Variants in GPR137 observed in about 807,000 individuals in gnomAD.
GPR137 encodes G protein-coupled receptor 137.
GPR137 carries 20 observed loss-of-function variants against 38.9 expected under a neutral mutation model. The observed-to-expected ratio is 0.51, with a 90% CI of 0.36 to 0.75. The LOEUF (loss-of-function observed/expected upper bound fraction) is 0.75, where lower values mean the gene tolerates loss of function less well. GPR137 is among the 30% of genes least tolerant of loss of function. The pLI is 0.00. For synonymous variants in GPR137, 226 were observed against 235.8 expected, an observed-to-expected ratio of 0.96 and a Z score of 0.38; for missense variants, 456 against 526.4, an observed-to-expected ratio of 0.87 and a Z score of 1.31.
upstream of GPR137, among the ~76,000 whole-genome samples, chr11:64,282,388 G>A (rs2033537026): frequency 6.6e-6 from 1 of 152,080 alleles, no homozygotes; most frequent in South Asian, 2.1e-4. Flanking sequence ...GATTGCTTGG[G>A]CCCAGGAATT....
At chr11:64,284,429 C>T (rs1234549638), upstream of GPR137, 3 of 1,607,080 alleles carry the variant, frequency 1.9e-6, no homozygotes, top group Non-Finnish European at 8.5e-7. Flanking sequence ...CAACGGTGGC[C>T]CTGGAAGGCA....
At position 64,289,349 on chromosome 11, in the gene GPR137, T is replaced by G; in HGVS notation, c.*153T>G. 6.3e-7 allele frequency: 1 copy of G among 1,595,282 alleles called. No individual in the cohort carries two copies. Among genetic ancestry groups the G allele is most frequent in the Admixed American group, 1.7e-5 (1 of 58,928 alleles). ...CCTTGCTGCTCCTGTCATAGTGAGC[T>G]TGTGCCGTCCCCCTAGGATGGGGGG... is the stretch of plus-strand genomic sequence containing the variant. On this transcript the variant is annotated 3_prime_UTR_variant, in exon 7 of 7. Transcript: ENST00000438980.
rs1016363315 is a variant in GPR137 at position 64,276,821 on chromosome 11, C to G, written c.-16+400C>G. The G allele has an allele frequency of 5.9e-6, 4 of 679,518 alleles. No individual in the cohort carries two copies. In the Admixed American group the frequency reaches 8.5e-5, roughly 14 times the overall value. The allele number at this position is 679,518 out of a possible 1,614,324, so 42.1% of individuals were successfully genotyped here. On this transcript the variant is annotated intron_variant, in intron 2 of 2. Coordinates refer to the GPR137 transcript ENST00000538244. ...CCCAGGCCTGCCCACTCTTGCCATC[C>G]GCCTAGAGCCTGGCCCGGAGCTGGG...
upstream of GPR137, chr11:64,285,742 C>A: frequency 4.1e-6 from 4 of 985,378 alleles, no homozygotes; most frequent in Non-Finnish European, 3.6e-6. Context: ...CGCCAATTCT[C>A]GTACGGTTTC....
chr11:64,282,924 T>G (rs1354039882), upstream of GPR137, among the ~76,000 whole-genome samples: 2 of 150,956 alleles, frequency 1.3e-5, no homozygotes, highest in African/African-American at 2.4e-5. Flanking sequence ...ATAAATTAAC[T>G]GGGTGTGGTC....
At chr11:64,270,808 T>TA, upstream of GPR137, 1 of 392,922 alleles carries the variant, frequency 2.5e-6, no homozygotes, top group Non-Finnish European at 5.1e-6. Flanking sequence ...GGAGCACAAA[T>TA]ACCAGCATGC....
At position 64,286,818 on chromosome 11, in the gene GPR137, C is replaced by T. The variant is rs1565358917; in HGVS notation, c.294C>T (p.Leu98=). ...NRLGPLPFWL[L]YCCPVCLQFF... is the part of the protein sequence containing the mutation. ...TGGGGCCCTTGCCCTTCTGGCTTCT[C>T]TACTGCTGCCCCGTCTGCCTGCAGT... The change falls in exon 1 of 7, where the codon CTC becomes CTT. Residue 98 remains leucine, a synonymous_variant. Transcript: ENST00000438980. The T allele has an allele frequency of 1.9e-6, 3 of 1,599,916 alleles. No individual in the cohort carries two copies. The highest frequency in any genetic ancestry group is 2.6e-6 in the Non-Finnish European group (3 of 1,171,012).
At chr11:64,278,686 G>A (rs2033228625) in intron 2 of GPR137, among the ~76,000 whole-genome samples, 1 of 152,132 alleles carries the variant, frequency 6.6e-6, no homozygotes, top group African/African-American at 2.4e-5. Flanking sequence ...GCTTCTTTCT[G>A]CCTCTCCACT....
chr11:64,277,109 C>G, intron 2 of GPR137: 1 of 657,556 alleles, frequency 1.5e-6, no homozygotes, highest in Non-Finnish European at 2.8e-6. Context: ...GAATTGCACA[C>G]TTAATTAAAA....
chr11:64,285,052 G>T (rs2033798205), upstream of GPR137: 3 of 1,126,224 alleles, frequency 2.7e-6, no homozygotes, highest in Admixed American at 8.5e-5. Flanking sequence ...CTTTGTGAAG[G>T]GAGTGATTAC....
intron 2 of GPR137, chr11:64,276,971 G>A: frequency 1.4e-6 from 1 of 740,624 alleles, no homozygotes. Flanking sequence ...CCCTGCTGAT[G>A]CTTCCGCGAG....
intron 2 of GPR137, chr11:64,276,861 G>A (rs1327691331): frequency 1.3e-6 from 1 of 742,750 alleles, no homozygotes; most frequent in Non-Finnish European, 2.5e-6. Flanking sequence ...GAAGTGGAGG[G>A]TAGTGGCTGT....
At chr11:64,282,784 CAGG>C (rs988253722), upstream of GPR137, among the ~76,000 whole-genome samples, 2 of 149,634 alleles carry the variant, frequency 1.3e-5, no homozygotes, top group African/African-American at 4.9e-5. Flanking sequence ...GAGGCTGAGG[CAGG>C]AGAACTGCTT....
chr11:64,287,383 C>A (rs1420292166), intron 2 of GPR137: 1 of 895,484 alleles, frequency 1.1e-6, no homozygotes, highest in Non-Finnish European at 1.3e-6. Flanking sequence ...CTTTCCCAGC[C>A]ATCTTTTATT....
At chr11:64,277,598 T>A (rs2033161417) in intron 2 of GPR137, among the ~76,000 whole-genome samples, 1 of 152,172 alleles carries the variant, frequency 6.6e-6, no homozygotes, top group Non-Finnish European at 1.5e-5. Flanking sequence ...CATGCCCGGC[T>A]AATTTTTTAA....
chr11:64,287,005 G>A lies in GPR137; in HGVS notation c.398G>A (p.Ser133Asn). ...KAKVKRRPEM[S>N]RGLLAVRGAF... ...AAGGTGAAGCGTCGGCCGGAGATGA[G>A]CCGAGGCTTGTAAGTACTCGGGACA... The change falls in exon 2 of 7, where the codon AGC (serine) becomes AAC (asparagine). Residue 133 changes from serine (S) to asparagine (N), a missense_variant. Ser to Asn is a conservative substitution (Grantham distance 46, BLOSUM62 1). Coordinates refer to ENST00000438980, the MANE Select transcript of GPR137 (RefSeq NM_001170880.2). The A allele has an allele frequency of 2.5e-6, 4 of 1,613,720 alleles. No homozygotes were observed. The highest frequency in any genetic ancestry group is 3.4e-6 in the Non-Finnish European group (4 of 1,179,942).
chr11:64,279,484 C>T (rs903660151), upstream of GPR137, among the ~76,000 whole-genome samples: 4 of 152,116 alleles, frequency 2.6e-5, no homozygotes, highest in South Asian at 2.1e-4. Context: ...CCACCTCTAG[C>T]GGCCAGACGC....
At chr11:64,285,520 G>A, upstream of GPR137, 6 of 985,200 alleles carry the variant, frequency 6.1e-6, no homozygotes, top group Non-Finnish European at 7.2e-6. Context: ...CCGAGGGACG[G>A]GAATCCGTTG....
chr11:64,286,320 G>C lies in GPR137; in HGVS notation c.-205G>C. The C allele has an allele frequency of 2.1e-6, 3 of 1,406,650 alleles. No individual in the cohort carries two copies. The South Asian group carries it at 5.1e-5, about 24-fold the overall frequency. 87.1% of individuals were successfully genotyped at this position (1,406,650 alleles called of 1,614,324 possible). A position where few individuals can be genotyped will look rare whatever the true frequency, so the allele number is the denominator to read the frequency against. ...GCCCTTCCATGCCCCTGAGTGAGGGGCCTGGGGCCCAGGCTGCCTGTGTTC... is the reference window on the plus strand; with the variant it reads ...GCCCTTCCATGCCCCTGAGTGAGGGCCCTGGGGCCCAGGCTGCCTGTGTTC... On this transcript the variant is annotated 5_prime_UTR_variant, in exon 1 of 7. Transcript: ENST00000438980.
Sources: gnomAD v4.1 joint callset for allele counts (sites outside exome capture counted in the v4.1 genomes callset) on GRCh38, gnomAD v4.1.1 for gene constraint, MANE v1.5 for transcripts, NCBI Gene and HGNC (gene_info 2026-07-23, HGNC 2026-07-21) for gene names.